MTUS2: variants seen among roughly 807,000 people sequenced by gnomAD.
MTUS2 encodes microtubule associated scaffold protein 2.
Under a neutral mutation model 114.1 loss-of-function variants are expected in MTUS2, and 40 were observed. The ratio of observed to expected loss-of-function variants is 0.35; its 90% CI spans 0.27 to 0.46. The LOEUF is 0.46. Among genes scored for constraint, MTUS2 ranks in the 20% least tolerant of loss-of-function variants. The probability of loss-of-function intolerance (pLI) is 1.00; values close to 1 mark genes in which losing one functional copy is unlikely to be tolerated. For synonymous variants in MTUS2, 688 were observed against 672.0 expected, an observed-to-expected ratio of 1.02 and a Z score of -0.37; for missense variants, 1,679 against 1,705.4, an observed-to-expected ratio of 0.98 and a Z score of 0.27.
At chr13:29,042,366 G>A (rs1165386144) in intron 4 of MTUS2, among the ~76,000 whole-genome samples, 2 of 152,194 alleles carry the variant, frequency 1.3e-5, no homozygotes, top group South Asian at 2.1e-4. Flanking sequence ...GATTCCATTA[G>A]CTAGTATTTT....
intron 2 of MTUS2, among the ~76,000 whole-genome samples, chr13:28,882,404 A>G (rs1878346357): frequency 6.6e-6 from 1 of 152,136 alleles, no homozygotes; most frequent in Non-Finnish European, 1.5e-5. Context: ...CTTAGATATA[A>G]CACCGAAAGC....
intron 2 of MTUS2, among the ~76,000 whole-genome samples, chr13:28,964,641 T>A (rs1883492954): frequency 6.6e-6 from 1 of 151,364 alleles, no homozygotes; most frequent in Non-Finnish European, 1.5e-5. Flanking sequence ...TTGCTGCTTT[T>A]TGGGCATTGC....
chr13:28,858,212 A>G (rs1876756891), intron 2 of MTUS2, among the ~76,000 whole-genome samples: 1 of 152,092 alleles, frequency 6.6e-6, no homozygotes, highest in South Asian at 2.1e-4. Context: ...GAATGAAGGT[A>G]TCTAGGATTG....
chr13:29,355,124 C>T (rs1261885421), intron 7 of MTUS2, among the ~76,000 whole-genome samples: 1 of 152,250 alleles, frequency 6.6e-6, no homozygotes, highest in Non-Finnish European at 1.5e-5. Context: ...TCATCCATTA[C>T]AATCCTCTGG....
At chr13:29,240,886 C>G (rs1398975124) in intron 5 of MTUS2, among the ~76,000 whole-genome samples, 1 of 152,048 alleles carries the variant, frequency 6.6e-6, no homozygotes, top group African/African-American at 2.4e-5. Flanking sequence ...ATATGTGTAA[C>G]AGTTTTATGA....
At chr13:28,989,842 G>GT (rs1475335996) in intron 2 of MTUS2, among the ~76,000 whole-genome samples, 66 of 102,736 alleles carry the variant, frequency 6.4e-4, no homozygotes, top group African/African-American at 2.1e-3. Flanking sequence ...CCTTTTTTTT[G>GT]TTTTGTTTTG....
chr13:29,468,334 T>G (rs944103109), intron 9 of MTUS2, among the ~76,000 whole-genome samples: 5 of 152,150 alleles, frequency 3.3e-5, no homozygotes, highest in Admixed American at 3.3e-4. Context: ...ATCCCAGCAC[T>G]TTGGGAGGCT....
Position 29,480,417 on chromosome 13 carries a change from C to T in MTUS2, c.3399+53C>T, listed in dbSNP as rs559063986. ...GCTGTTGGGTGATGCAGGTGGCGGG[C>T]GGCGGGGATCCAGTGCCACATTAGC... On this transcript the variant is annotated intron_variant, in intron 10 of 15. Coordinates refer to ENST00000612955, the MANE Select transcript of MTUS2 (RefSeq NM_001033602.4). The surrounding 1 kb of genome is among the most constrained non-coding windows in gnomAD (Gnocchi z 4.4). 32 of 1,457,998 alleles carry T rather than the reference C, an allele frequency of 2.2e-5. No individual in the cohort carries two copies. Among genetic ancestry groups the T allele is most frequent in the South Asian group, 8.5e-5 (6 of 70,374 alleles). 90.3% of individuals were successfully genotyped at this position (1,457,998 alleles called of 1,614,324 possible).
intron 5 of MTUS2, among the ~76,000 whole-genome samples, chr13:29,142,546 A>G (rs1488547271): frequency 1.3e-5 from 2 of 152,124 alleles, no homozygotes; most frequent in Non-Finnish European, 2.9e-5. Flanking sequence ...TCTACTAAAA[A>G]AATACAAAAA....
rs116095509 is a variant in MTUS2, at chr13:29,359,976, C to T, written c.3117+503C>T. On this transcript the variant is annotated intron_variant, in intron 8 of 15. Transcript: ENST00000612955. Reference sequence around the variant, plus strand: ...TCCCAGAGCAGCATGGGGTGAGGTTCGGATTCTCCTTGTGCCCTCAATTTT... The same window carrying T: ...TCCCAGAGCAGCATGGGGTGAGGTTTGGATTCTCCTTGTGCCCTCAATTTT... Among the ~76,000 whole-genome samples the T allele has an allele frequency of 3.7e-3, 559 of 152,240 alleles. 3 individuals are homozygous for T. The highest frequency in any genetic ancestry group is 0.013 in the African/African-American group (530 of 41,532).
chr13:29,134,715 A>G (rs1208578464), intron 5 of MTUS2, among the ~76,000 whole-genome samples: 1 of 151,892 alleles, frequency 6.6e-6, no homozygotes, highest in African/African-American at 2.4e-5. Flanking sequence ...ATCCCGCCTT[A>G]GCTTCCCGAG....
intron 5 of MTUS2, among the ~76,000 whole-genome samples, chr13:29,208,802 T>C (rs2139271974): frequency 6.6e-6 from 1 of 152,304 alleles, no homozygotes; most frequent in Non-Finnish European, 1.5e-5. Flanking sequence ...GAGTACTTGA[T>C]ATAACTTCAA....
intron 5 of MTUS2, among the ~76,000 whole-genome samples, chr13:29,104,717 A>G (rs559266202): frequency 6.6e-6 from 1 of 152,360 alleles, no homozygotes; most frequent in South Asian, 2.1e-4. Context: ...TGAAGATTAC[A>G]AGGTTGGCCC....
chr13:29,267,714 A>G (rs950401302), intron 5 of MTUS2, among the ~76,000 whole-genome samples: 1 of 152,180 alleles, frequency 6.6e-6, no homozygotes, highest in African/African-American at 2.4e-5. Flanking sequence ...CACGAGATCT[A>G]AGGGATGAAG....
chr13:29,240,616 T>C (rs776754311), intron 5 of MTUS2, among the ~76,000 whole-genome samples: 3 of 152,364 alleles, frequency 2.0e-5, no homozygotes, highest in Non-Finnish European at 4.4e-5. Context: ...TTATTTTTTC[T>C]TTAATTGGAT....
At chr13:29,133,241 T>G (rs1891840472) in intron 5 of MTUS2, among the ~76,000 whole-genome samples, 1 of 152,190 alleles carries the variant, frequency 6.6e-6, no homozygotes, top group African/African-American at 2.4e-5. Context: ...TTCAGGAGTT[T>G]TCTGTGTATT....
At chr13:28,921,911 G>T (rs951831527) in intron 2 of MTUS2, among the ~76,000 whole-genome samples, 1 of 152,226 alleles carries the variant, frequency 6.6e-6, no homozygotes, top group African/African-American at 2.4e-5. Context: ...GGGGATGGGG[G>T]AGAGGTGGCA....
chr13:29,232,197 A>T (rs1896350223), intron 5 of MTUS2, among the ~76,000 whole-genome samples: 1 of 152,228 alleles, frequency 6.6e-6, no homozygotes, highest in South Asian at 2.1e-4. Context: ...TTTTTGTAGG[A>T]AATTCCTCAA....
chr13:29,302,160 C>A (rs1899232065), intron 6 of MTUS2, among the ~76,000 whole-genome samples: 1 of 152,168 alleles, frequency 6.6e-6, no homozygotes, highest in South Asian at 2.1e-4. Context: ...ATTGAAATAT[C>A]CAGATTCTCA....
Sources: allele counts gnomAD v4.1 joint callset (sites outside exome capture counted in the v4.1 genomes callset), GRCh38; gene constraint gnomAD v4.1.1; non-coding constraint Gnocchi (gnomAD v3.1); transcripts MANE v1.5; gene names NCBI Gene and HGNC (gene_info 2026-07-23, HGNC 2026-07-21).